DNER: variants seen among roughly 807,000 people sequenced by gnomAD.
DNER encodes the protein delta/notch like EGF repeat containing.
Under a neutral mutation model 78.2 loss-of-function variants are expected in DNER, and 33 were observed. That is an observed-to-expected ratio of 0.42 (90% CI 0.32 to 0.56). The LOEUF is 0.56. DNER is among the 20% of genes least tolerant of loss of function. The pLI is 0.11. For missense variants in DNER, 918 were observed against 975.3 expected (o/e 0.94, Z 0.78); for synonymous variants, 417 against 384.8 (o/e 1.08, Z -0.98).
intron 8 of DNER, among the ~76,000 whole-genome samples, chr2:229,433,081 A>C (rs1360647857): frequency 2.0e-5 from 3 of 152,170 alleles, no homozygotes; most frequent in Non-Finnish European, 4.4e-5. Context: ...CTGGGATTAC[A>C]GGTGCCTGCC....
chr2:229,400,944 C>CGATCAAGT (rs1478450905), intron 10 of DNER, among the ~76,000 whole-genome samples: 2 of 152,004 alleles, frequency 1.3e-5, no homozygotes, highest in Non-Finnish European at 2.9e-5. Flanking sequence ...TCAACATCAA[C>CGATCAAGT]GTCAATGATC....
intron 5 of DNER, among the ~76,000 whole-genome samples, chr2:229,515,646 T>A (rs1236509071): frequency 2.0e-4 from 13 of 65,116 alleles, no homozygotes; most frequent in Non-Finnish European, 3.2e-4. Flanking sequence ...TTTATTTTTT[T>A]ATTTTTTTTT....
intron 1 of DNER, among the ~76,000 whole-genome samples, chr2:229,616,993 A>C (rs1055392312): frequency 1.3e-5 from 2 of 152,212 alleles, no homozygotes; most frequent in African/African-American, 4.8e-5. Flanking sequence ...CAGACACCAG[A>C]GCGCATCCAC....
chr2:229,661,480 T>G (rs1225848524), intron 1 of DNER, among the ~76,000 whole-genome samples: 1 of 152,186 alleles, frequency 6.6e-6, no homozygotes, highest in Non-Finnish European at 1.5e-5. Flanking sequence ...CCATTAGGAA[T>G]TAACCTCCTT....
intron 3 of DNER, chr2:229,586,619 TGCC>T: frequency 2.0e-6 from 2 of 980,692 alleles, no homozygotes; most frequent in African/African-American, 3.6e-5. Flanking sequence ...CAACCCCAGC[TGCC>T]CTCCTGCGCT....
chr2:229,653,018 G>A (rs1698847416), intron 1 of DNER, among the ~76,000 whole-genome samples: 1 of 152,114 alleles, frequency 6.6e-6, no homozygotes. Flanking sequence ...TCTGAGCTAT[G>A]GACTCTGATG....
At chr2:229,620,780 G>T (rs1439933735) in intron 1 of DNER, among the ~76,000 whole-genome samples, 1 of 152,198 alleles carries the variant, frequency 6.6e-6, no homozygotes, top group African/African-American at 2.4e-5. Context: ...TCTTTAAGGG[G>T]TGATGAGATG....
At chr2:229,599,701 A>G (rs1452648940) in intron 1 of DNER, among the ~76,000 whole-genome samples, 1 of 152,242 alleles carries the variant, frequency 6.6e-6, no homozygotes, top group East Asian at 1.9e-4. Flanking sequence ...GAAGAAATGT[A>G]CAACATACTA....
chr2:229,476,308 G>A lies in DNER; in HGVS notation c.1261+832C>T, dbSNP rs1484307883. ...GAGAACCCAAGCACTTCCGTTATCTGGGAAGCCAGTGGCCTCTTACCAACA... is the reference window on the plus strand; with the variant it reads ...GAGAACCCAAGCACTTCCGTTATCTAGGAAGCCAGTGGCCTCTTACCAACA... On this transcript the variant is annotated intron_variant, in intron 7 of 12. Coordinates refer to ENST00000341772, the MANE Select transcript of DNER (RefSeq NM_139072.4). Among the ~76,000 whole-genome samples, 7 of 152,152 alleles carry A rather than the reference G, an allele frequency of 4.6e-5. 1 individual carries two copies. Among genetic ancestry groups the A allele is most frequent in the Admixed American group, 4.6e-4 (7 of 15,276 alleles).
Position 229,508,217 on chromosome 2 carries a change from A to G in DNER, c.1147+4566T>C, listed in dbSNP as rs998186298. ...CTACAAACTCACTTGTATACTGCAC[A>G]TGTGAGTAGATATTAGTGCAACACT... is the stretch of plus-strand genomic sequence containing the variant. On this transcript the variant is annotated intron_variant, in intron 6 of 12. Coordinates refer to ENST00000341772, the MANE Select transcript of DNER (RefSeq NM_139072.4). 6.6e-5 allele frequency among the ~76,000 whole-genome samples: 10 copies of G among 152,228 alleles called. 1 individual carries two copies. Among genetic ancestry groups the G allele is most frequent in the African/African-American group, 2.4e-4 (10 of 41,464 alleles).
At chr2:229,377,390 C>G (rs1692630899) in intron 11 of DNER, among the ~76,000 whole-genome samples, 1 of 152,198 alleles carries the variant, frequency 6.6e-6, no homozygotes, top group Non-Finnish European at 1.5e-5. Flanking sequence ...CACACCAACA[C>G]TGCTATGTCA....
At chr2:229,560,589 GA>G (rs77335988) in intron 4 of DNER, among the ~76,000 whole-genome samples, 1,590 of 152,280 alleles carry the variant, frequency 0.01, 70 homozygotes, top group Admixed American at 0.087. Flanking sequence ...AACTCTTTCA[GA>G]AGGTGGGATA....
intron 1 of DNER, among the ~76,000 whole-genome samples, chr2:229,706,624 T>C (rs1006107621): frequency 2.0e-5 from 3 of 152,172 alleles, no homozygotes; most frequent in African/African-American, 7.2e-5. Flanking sequence ...TCCTCCCCTC[T>C]GCCACTGGAA....
chr2:229,611,030 C>G (rs1448680812), intron 1 of DNER, among the ~76,000 whole-genome samples: 1 of 152,128 alleles, frequency 6.6e-6, no homozygotes, highest in East Asian at 1.9e-4. Context: ...CATATCTTAC[C>G]AAAGCTGGGT....
chr2:229,641,626 A>G (rs776264278), intron 1 of DNER, among the ~76,000 whole-genome samples: 193 of 151,486 alleles, frequency 1.3e-3, no homozygotes, highest in Non-Finnish European at 2.4e-3. Flanking sequence ...GAGAACTACA[A>G]TGTTGGTCCT....
At chr2:229,499,444 C>CAAAAAAAAAAAAAA (rs777417272) in intron 6 of DNER, among the ~76,000 whole-genome samples, 1 of 74,820 alleles carries the variant, frequency 1.3e-5, no homozygotes, top group Non-Finnish European at 2.7e-5. Context: ...GACTCCAACT[C>CAAAAAAAAAAAAAA]AAAAAAAAAA....
intron 4 of DNER, among the ~76,000 whole-genome samples, chr2:229,548,133 G>A (rs1696660348): frequency 6.6e-6 from 1 of 152,062 alleles, no homozygotes; most frequent in African/African-American, 2.4e-5. Context: ...TAAGACCAAG[G>A]GGACTACTAG....
chr2:229,654,448 G>A (rs1005796058), intron 1 of DNER, among the ~76,000 whole-genome samples: 1 of 152,090 alleles, frequency 6.6e-6, no homozygotes, highest in African/African-American at 2.4e-5. Flanking sequence ...GAGAGATTCA[G>A]GGAAAGTATG....
At chr2:229,646,666 A>G (rs534119452) in intron 1 of DNER, among the ~76,000 whole-genome samples, 7 of 152,346 alleles carry the variant, frequency 4.6e-5, no homozygotes, top group African/African-American at 1.7e-4. Context: ...AAACTCTACA[A>G]GTATTTTTGA....
Sources: allele counts gnomAD v4.1 joint callset (sites outside exome capture counted in the v4.1 genomes callset), GRCh38; gene constraint gnomAD v4.1.1; transcripts MANE v1.5; gene names NCBI Gene and HGNC (gene_info 2026-07-23, HGNC 2026-07-21).